The following RPTOR variants were observed in gnomAD, a reference collection of about 807,000 sequenced individuals.
RPTOR encodes regulatory-associated protein of mTOR.
In RPTOR, 21 loss-of-function variants were observed where a neutral mutation model predicts 169.9. The observed-to-expected ratio is 0.12, with a 90% confidence interval of 0.09 to 0.18. The LOEUF is 0.18. Among genes scored for constraint, RPTOR ranks in the 10% least tolerant of loss-of-function variants. The pLI is 1.00. For synonymous variants in RPTOR, 732 were observed against 753.2 expected (o/e 0.97, Z 0.46); for missense variants, 1,133 against 1,855.9 (o/e 0.61, Z 7.16).
Position 80,951,673 on chromosome 17 carries a change from G to A in RPTOR, c.3370+2126G>A, listed in dbSNP as rs541532604. ...AGGACTGGTTCAAACCAGTTCACTC[G>A]GCATCACAGAATCTGAACTGAAAAA... On this transcript the variant is annotated intron_variant, in intron 28 of 33. Transcript: ENST00000306801. 1.7e-4 allele frequency among the ~76,000 whole-genome samples: 26 copies of A among 152,288 alleles called. No individual in the cohort carries two copies. In the South Asian group the frequency reaches 3.9e-3, roughly 23 times the overall value.
chr17:80,743,816 C>T lies in RPTOR; in HGVS notation c.655-10194C>T, dbSNP rs1414947749. 2.3e-5 allele frequency among the ~76,000 whole-genome samples: 3 copies of T among 130,696 alleles called. 1 individual carries two copies. Among genetic ancestry groups the T allele is most frequent in the African/African-American group, 5.8e-5 (2 of 34,210 alleles). 85.7% of individuals were successfully genotyped at this position (130,696 alleles called of 152,430 possible). ...CTACTAGCACAGCCCTGGCTACTAG[C>T]AGAGCCCTGGCTACTAGCACAGCCC... On this transcript the variant is annotated intron_variant, in intron 5 of 33. Coordinates refer to ENST00000306801, the MANE Select transcript of RPTOR (RefSeq NM_020761.3).
intron 6 of RPTOR, among the ~76,000 whole-genome samples, chr17:80,780,290 C>T (rs1291304593): frequency 4.6e-5 from 7 of 152,014 alleles, no homozygotes; most frequent in African/African-American, 1.7e-4. Flanking sequence ...CAACTGGAGC[C>T]GTCGGTGGAG....
intron 23 of RPTOR, among the ~76,000 whole-genome samples, chr17:80,924,969 C>T (rs569270639): frequency 2.6e-5 from 4 of 152,366 alleles, no homozygotes; most frequent in African/African-American, 9.6e-5. Flanking sequence ...TGGGAGTCCC[C>T]GCTCTCAGTC....
chr17:80,801,103 T>G (rs1392504935), intron 7 of RPTOR, among the ~76,000 whole-genome samples: 3 of 152,186 alleles, frequency 2.0e-5, no homozygotes, highest in African/African-American at 7.2e-5. Context: ...TCTGTGGGAC[T>G]TCCGTCTCAT....
intron 9 of RPTOR, 60 bp from the exon 10 acceptor site, chr17:80,837,862 G>C: frequency 1.3e-6 from 2 of 1,501,850 alleles, no homozygotes; most frequent in South Asian, 1.2e-5. Flanking sequence ...GCCCTGTGAA[G>C]TGGCCTCGTG....
At chr17:80,574,368 T>G (rs2064940469) in intron 1 of RPTOR, among the ~76,000 whole-genome samples, 1 of 150,800 alleles carries the variant, frequency 6.6e-6, no homozygotes, top group Admixed American at 6.6e-5. Context: ...GGGTTTCACC[T>G]TGTTAGCCAG....
chr17:80,836,273 T>C (rs148756288), intron 9 of RPTOR, among the ~76,000 whole-genome samples: 3 of 152,356 alleles, frequency 2.0e-5, no homozygotes, highest in Non-Finnish European at 2.9e-5. Flanking sequence ...CCCTCTCTCC[T>C]TCTCGAAAGT....
rs375682253 is a variant in RPTOR, at chr17:80,837,955, G to C, written c.1170G>C (p.Leu390=). 8 of 1,612,184 alleles carry C rather than the reference G, an allele frequency of 5.0e-6. No individual in the cohort carries two copies. The African/African-American group carries it at 1.1e-4, about 21-fold the overall frequency. ...GGGACCTGGCTGTTGACATCTGTCT[G>C]TCTCAGCTGCCGACGATCATCGAGG... ...QAWDLAVDIC[L]SQLPTIIEEG... The change falls in exon 10 of 34, where the codon CTG becomes CTC. Residue 390 remains leucine (L), a synonymous_variant. Transcript: ENST00000306801.
intron 20 of RPTOR, among the ~76,000 whole-genome samples, chr17:80,901,472 G>A (rs2068475634): frequency 6.6e-6 from 1 of 152,026 alleles, no homozygotes; most frequent in South Asian, 2.1e-4. Flanking sequence ...ATGAGCTGGA[G>A]TTTAGGAAGG....
At position 80,957,714 on chromosome 17, in the gene RPTOR, G is replaced by T. The variant is rs758794401; in HGVS notation, c.3461G>T (p.Arg1154Leu). 3 of 1,614,028 alleles carry T rather than the reference G, an allele frequency of 1.9e-6. No individual in the cohort carries two copies. The highest frequency in any genetic ancestry group is 2.2e-5 in the South Asian group (2 of 91,088). Residue 1154 changes from arginine to leucine, a missense_variant, in exon 29 of 34, where the codon CGT becomes CTT. Arg to Leu is a moderately radical substitution (Grantham distance 102, BLOSUM62 -2). Transcript: ENST00000306801. The surrounding 1 kb of genome is among the most constrained non-coding windows in gnomAD (Gnocchi z 4.6). ...VRIVRIWDTDREMKVQDIPTG... is the reference protein window; with the variant it reads ...VRIVRIWDTDLEMKVQDIPTG... Reference sequence around the variant, plus strand: ...ATCGTCCGGATCTGGGACACAGACCGTGAGATGAAGGTGCAGGTAACCATG... The same window carrying T: ...ATCGTCCGGATCTGGGACACAGACCTTGAGATGAAGGTGCAGGTAACCATG...
At chr17:80,884,340 C>T (rs963743870) in intron 16 of RPTOR, among the ~76,000 whole-genome samples, 37 of 152,330 alleles carry the variant, frequency 2.4e-4, no homozygotes, top group African/African-American at 8.2e-4. Context: ...GTGGCTCGTG[C>T]CTGGTGCAGC....
chr17:80,744,977 G>A lies in RPTOR; in HGVS notation c.655-9033G>A, dbSNP rs190219445. ...GAGCCCTGGCTTCTAGCAGAGCCCT[G>A]GTTACTAGCACAGCCTTGGTTACTA... On this transcript the variant is annotated intron_variant, in intron 5 of 33. Transcript: ENST00000306801. Among the ~76,000 whole-genome samples the A allele has an allele frequency of 3.2e-3, 485 of 151,886 alleles. 7 individuals carry two copies. The highest frequency in any genetic ancestry group is 4.5e-3 in the Non-Finnish European group (302 of 67,772).
At chr17:80,618,027 G>C (rs187435798) in intron 1 of RPTOR, among the ~76,000 whole-genome samples, 1,501 of 146,946 alleles carry the variant, frequency 0.01, 108 homozygotes, top group African/African-American at 0.039. Flanking sequence ...GTCACCCAGG[G>C]TGGAGTGCAG....
intron 11 of RPTOR, among the ~76,000 whole-genome samples, chr17:80,848,848 C>T (rs2067761327): frequency 6.6e-6 from 1 of 152,262 alleles, no homozygotes; most frequent in African/African-American, 2.4e-5. Flanking sequence ...CCCTTGGCCA[C>T]CCACACTCCC....
intron 9 of RPTOR, among the ~76,000 whole-genome samples, chr17:80,836,714 G>C (rs1037447942): frequency 3.9e-5 from 6 of 152,158 alleles, no homozygotes; most frequent in Non-Finnish European, 7.4e-5. Flanking sequence ...GGAGGGAGGT[G>C]CCGGCAGAGG....
At chr17:80,830,305 C>G (rs2067489032) in intron 9 of RPTOR, among the ~76,000 whole-genome samples, 1 of 152,322 alleles carries the variant, frequency 6.6e-6, no homozygotes, top group East Asian at 1.9e-4. Flanking sequence ...CCGCCCCGCC[C>G]CAACTCCAGC....
At chr17:80,725,248 C>T (rs1382423570) in intron 4 of RPTOR, among the ~76,000 whole-genome samples, 3 of 152,120 alleles carry the variant, frequency 2.0e-5, no homozygotes, top group Non-Finnish European at 2.9e-5. Context: ...ACTCAGGCTG[C>T]GGCGACAGAC....
At chr17:80,821,726 C>T (rs781361574) in intron 7 of RPTOR, among the ~76,000 whole-genome samples, 1 of 152,224 alleles carries the variant, frequency 6.6e-6, no homozygotes, top group Non-Finnish European at 1.5e-5. Context: ...ACATCCCTGT[C>T]GCAGGTATCA....
At chr17:80,821,365 G>T (rs2067376438) in intron 7 of RPTOR, among the ~76,000 whole-genome samples, 1 of 152,234 alleles carries the variant, frequency 6.6e-6, no homozygotes, top group South Asian at 2.1e-4. Flanking sequence ...CCTGCAGTGG[G>T]AATTGCTGAT....
Sources: allele counts gnomAD v4.1 joint callset (sites outside exome capture counted in the v4.1 genomes callset), GRCh38; gene constraint gnomAD v4.1.1; non-coding constraint Gnocchi (gnomAD v3.1); transcripts MANE v1.5; gene names NCBI Gene and HGNC (gene_info 2026-07-23, HGNC 2026-07-21).